ADK: variants seen among roughly 807,000 people sequenced by gnomAD.
The protein encoded by ADK is N6,N6-dimethyladenosine kinase.
Under a neutral mutation model 44.7 loss-of-function variants are expected in ADK, and 24 were observed. The ratio of observed to expected loss-of-function variants is 0.54; its 90% CI spans 0.39 to 0.76. The LOEUF is 0.76. Ranked by LOEUF, ADK falls within the 30% of genes least tolerant of loss-of-function variation. The pLI is 0.00. For missense variants in ADK, 321 were observed against 425.1 expected, an observed-to-expected ratio of 0.76 and a Z score of 2.15; for synonymous variants, 128 against 142.6, an observed-to-expected ratio of 0.90 and a Z score of 0.73.
intron 6 of ADK, among the ~76,000 whole-genome samples, chr10:74,487,519 T>A (rs1173122452): frequency 6.6e-6 from 1 of 150,924 alleles, no homozygotes; most frequent in Non-Finnish European, 1.5e-5. Flanking sequence ...GCCAGTTTAT[T>A]TTTTGGCTAT....
intron 6 of ADK, among the ~76,000 whole-genome samples, chr10:74,486,190 A>G (rs903252430): frequency 6.6e-6 from 1 of 152,116 alleles, no homozygotes; most frequent in Non-Finnish European, 1.5e-5. Flanking sequence ...TGATGATATT[A>G]TAAGTGTAGT....
intron 3 of ADK, among the ~76,000 whole-genome samples, chr10:74,268,021 A>G (rs1326116820): frequency 6.6e-6 from 1 of 152,132 alleles, no homozygotes; most frequent in African/African-American, 2.4e-5. Context: ...TAAGGAAGTC[A>G]TCTTAAAGCT....
intron 1 of ADK, among the ~76,000 whole-genome samples, chr10:74,182,760 A>G (rs763733707): frequency 6.6e-6 from 1 of 152,196 alleles, no homozygotes; most frequent in Non-Finnish European, 1.5e-5. Context: ...TCTAACTCCA[A>G]ATCTTTCCAG....
intron 10 of ADK, among the ~76,000 whole-genome samples, chr10:74,683,086 C>A (rs1855670621): frequency 6.6e-6 from 1 of 152,088 alleles, no homozygotes; most frequent in Non-Finnish European, 1.5e-5. Context: ...ATAGAAAATA[C>A]AAAAAGTTTA....
chr10:74,222,375 G>T (rs977358303), intron 2 of ADK, among the ~76,000 whole-genome samples: 1 of 151,750 alleles, frequency 6.6e-6, no homozygotes, highest in Middle Eastern at 3.4e-3. Context: ...GTGCTGGAGA[G>T]GATGTGGAGA....
intron 8 of ADK, among the ~76,000 whole-genome samples, chr10:74,593,407 G>A (rs982629752): frequency 6.6e-6 from 1 of 152,048 alleles, no homozygotes; most frequent in Non-Finnish European, 1.5e-5. Flanking sequence ...AAGAGCATGT[G>A]GGAAGGGTTC....
Position 74,398,500 on chromosome 10 carries a change from A to G in ADK, c.476A>G (p.Asn159Ser), listed in dbSNP as rs139718237. 2.5e-6 allele frequency: 4 copies of G among 1,611,768 alleles called. No homozygotes were observed. The highest frequency in any genetic ancestry group is 1.3e-5 in the African/African-American group (1 of 74,998). Reference sequence around the variant, plus strand: ...CTCATAGCTAATCTTGCTGCTGCCAATTGTTATAAAAAGGAAAAACATCTT... The same window carrying G: ...CTCATAGCTAATCTTGCTGCTGCCAGTTGTTATAAAAAGGAAAAACATCTT... ...RSLIANLAAA[N>S]CYKKEKHLDL... Residue 159 changes from asparagine to serine, a missense_variant, in exon 6 of 11, where the codon AAT becomes AGT. Transcript: ENST00000539909.
At chr10:74,222,502 C>A (rs1277696538) in intron 2 of ADK, among the ~76,000 whole-genome samples, 1 of 151,970 alleles carries the variant, frequency 6.6e-6, no homozygotes, top group Non-Finnish European at 1.5e-5. Flanking sequence ...CCAGCCATCC[C>A]ATTACTGGGT....
intron 3 of ADK, among the ~76,000 whole-genome samples, chr10:74,300,730 T>TATGGTTATATGTAAAACTTAC (rs1564641286): frequency 6.6e-6 from 1 of 151,976 alleles, no homozygotes; most frequent in Non-Finnish European, 1.5e-5. Flanking sequence ...GTAAAACTTA[T>TATGGTTATATGTAAAACTTAC]ACTATGGTAA....
intron 1 of ADK, among the ~76,000 whole-genome samples, chr10:74,177,945 A>ATATTTTT (rs10693309): frequency 0.02 from 2,176 of 108,896 alleles, 37 homozygotes; most frequent in Non-Finnish European, 0.028. Context: ...ATATATATAT[A>ATATTTTT]TTTTTTTTTT....
chr10:74,688,620 G>GTA (rs1326534995), intron 10 of ADK, among the ~76,000 whole-genome samples: 3 of 152,164 alleles, frequency 2.0e-5, no homozygotes, highest in African/African-American at 7.2e-5. Flanking sequence ...TGGTTTAAGA[G>GTA]TAACCCACGC....
intron 3 of ADK, among the ~76,000 whole-genome samples, chr10:74,245,043 T>C (rs985607681): frequency 1.3e-5 from 2 of 152,242 alleles, no homozygotes; most frequent in Non-Finnish European, 2.9e-5. Flanking sequence ...ATAAAAGTCA[T>C]GTAGATGCTT....
At chr10:74,275,882 C>G (rs184977960) in intron 3 of ADK, among the ~76,000 whole-genome samples, 1 of 152,152 alleles carries the variant, frequency 6.6e-6, no homozygotes, top group Admixed American at 6.5e-5. Context: ...CTCAGGTGAT[C>G]TGCCTGCCTC....
chr10:74,251,894 CTT>C (rs566363104), intron 3 of ADK, among the ~76,000 whole-genome samples: 46 of 99,392 alleles, frequency 4.6e-4, no homozygotes, highest in East Asian at 1.7e-3. Context: ...GTGGCAGATA[CTT>C]TTTTTTTTTT....
At chr10:74,469,933 C>T (rs1290157304) in intron 6 of ADK, among the ~76,000 whole-genome samples, 1 of 151,882 alleles carries the variant, frequency 6.6e-6, no homozygotes, top group African/African-American at 2.4e-5. Context: ...ACCATGATGT[C>T]CTCAAGGTTC....
At chr10:74,547,444 ATATT>A (rs1230937334) in intron 7 of ADK, among the ~76,000 whole-genome samples, 26 of 25,596 alleles carry the variant, frequency 1.0e-3, no homozygotes, top group Admixed American at 4.0e-3. Flanking sequence ...ATATATATAT[ATATT>A]TATTTATTTA....
chr10:74,376,520 T>C (rs1174519402), intron 4 of ADK, among the ~76,000 whole-genome samples: 1 of 152,140 alleles, frequency 6.6e-6, no homozygotes, highest in Non-Finnish European at 1.5e-5. Context: ...ACCTCTCCTA[T>C]GAAGCAAGTC....
At chr10:74,170,642 CA>C (rs1842135764) in intron 1 of ADK, among the ~76,000 whole-genome samples, 3 of 150,798 alleles carry the variant, frequency 2.0e-5, no homozygotes, top group Non-Finnish European at 3.0e-5. Context: ...ACTAAAAATA[CA>C]AAAAAAATTT....
At chr10:74,292,509 A>G (rs143998751) in intron 3 of ADK, among the ~76,000 whole-genome samples, 8 of 152,278 alleles carry the variant, frequency 5.3e-5, no homozygotes, top group African/African-American at 1.2e-4. Context: ...TTCAGCATCT[A>G]TTTAATGAAT....
Sources: gnomAD v4.1 joint callset for allele counts (sites outside exome capture counted in the v4.1 genomes callset) on GRCh38, gnomAD v4.1.1 for gene constraint, MANE v1.5 for transcripts, NCBI Gene and HGNC (gene_info 2026-07-23, HGNC 2026-07-21) for gene names.